Variants in NTN1 observed in about 807,000 individuals in gnomAD.
The protein encoded by NTN1 is netrin 1.
A neutral mutation model predicts 54.2 loss-of-function variants in NTN1; 11 were observed. The ratio of observed to expected loss-of-function variants is 0.20; its 90% CI spans 0.13 to 0.34. The LOEUF (loss-of-function observed/expected upper bound fraction) is 0.34. Ranked by LOEUF, NTN1 falls within the 10% of genes least tolerant of loss-of-function variation. The pLI, the probability that NTN1 is intolerant of heterozygous loss-of-function variation, is 1.00. For synonymous variants in NTN1, 371 were observed against 382.0 expected (o/e 0.97, Z 0.33); for missense variants, 740 against 893.1 (o/e 0.83, Z 2.18).
intron 2 of NTN1, among the ~76,000 whole-genome samples, chr17:9,064,030 A>G (rs1325269182): frequency 2.6e-5 from 4 of 151,556 alleles, no homozygotes; most frequent in Admixed American, 1.3e-4. Context: ...CCTTTTTTTT[A>G]CTATAGCTTC....
In NTN1 at chr17:9,075,438, C is replaced by T. The variant is rs909876985; in HGVS notation, c.1018+52047C>T. Among the ~76,000 whole-genome samples the T allele has an allele frequency of 3.9e-5, 6 of 152,070 alleles. No individual in the cohort carries two copies. The East Asian group carries it at 7.7e-4, about 20-fold the overall frequency. On this transcript the variant is annotated intron_variant, in intron 2 of 6. Transcript: ENST00000173229. ...TGGAGGTTGTAGTGAGCCAAGATCA[C>T]GCCACTGCACTCCAGCTGGGTGACA... is the stretch of plus-strand genomic sequence containing the variant.
chr17:9,164,974 C>T (rs2092369789), intron 3 of NTN1, among the ~76,000 whole-genome samples: 1 of 152,192 alleles, frequency 6.6e-6, no homozygotes, highest in Non-Finnish European at 1.5e-5. Flanking sequence ...AGGTATCCAG[C>T]TCCTTTGCCT....
At chr17:9,191,671 G>A (rs369018728) in intron 5 of NTN1, among the ~76,000 whole-genome samples, 2 of 152,122 alleles carry the variant, frequency 1.3e-5, no homozygotes, top group East Asian at 3.9e-4. Flanking sequence ...TTGTACAAAT[G>A]GCAATATGCA....
chr17:9,198,752 G>A (rs1328831681), intron 5 of NTN1, among the ~76,000 whole-genome samples: 2 of 152,244 alleles, frequency 1.3e-5, no homozygotes, highest in Non-Finnish European at 2.9e-5. Flanking sequence ...CAGCCCAGGA[G>A]TTCAGGCTCA....
chr17:9,179,853 A>T lies in NTN1; in HGVS notation c.1254A>T (p.Gln418His), dbSNP rs761557142. Residue 418 changes from glutamine to histidine, a missense_variant, in exon 4 of 7, where the codon CAA becomes CAT. By Grantham distance (24) the Gln-to-His change is conservative. Transcript: ENST00000173229. ...PVGAAGKTCN[Q>H]TTGQCPCKDG... The stretch of plus-strand genomic sequence containing the variant: ...GTGCTGCTGGCAAAACCTGCAACCA[A>T]ACCACCGGCCAGTGTCCCTGCAAGG... The T allele has an allele frequency of 1.2e-6, 2 of 1,613,800 alleles. No individual in the cohort carries two copies. Among genetic ancestry groups the T allele is most frequent in the South Asian group, 2.2e-5 (2 of 91,054 alleles).
chr17:9,234,447 C>T (rs1905913196), intron 6 of NTN1, among the ~76,000 whole-genome samples: 1 of 152,192 alleles, frequency 6.6e-6, no homozygotes, highest in African/African-American at 2.4e-5. Context: ...AGAGGCCACT[C>T]CTGGCTGCCC....
At chr17:9,048,702 G>A (rs965618317) in intron 2 of NTN1, among the ~76,000 whole-genome samples, 2 of 151,816 alleles carry the variant, frequency 1.3e-5, no homozygotes, top group Admixed American at 6.6e-5. Context: ...TGTCACCCAG[G>A]CTGGAGTGCA....
chr17:9,008,901 C>T, the NTN1 span, among the ~76,000 whole-genome samples: 1 of 152,068 alleles, frequency 6.6e-6, no homozygotes, highest in South Asian at 2.1e-4. Context: ...ATTAGCTGGG[C>T]ATGGTGGTGG....
intron 2 of NTN1, among the ~76,000 whole-genome samples, chr17:9,063,317 C>T (rs923644998): frequency 1.3e-5 from 2 of 152,128 alleles, no homozygotes; most frequent in Non-Finnish European, 2.9e-5. Flanking sequence ...AGGCTGGTCT[C>T]GAACTCCTGG....
Position 9,242,765 on chromosome 17 carries a change from C to CCCAGCCAGGACCCAGCCCA in NTN1, c.*2801_*2819dup, listed in dbSNP as rs1345221355. The CCCAGCCAGGACCCAGCCCA allele has an allele frequency of 1.3e-5, 2 of 152,788 alleles. No homozygotes were observed. The highest frequency in any genetic ancestry group is 4.8e-5 in the African/African-American group (2 of 41,568). The allele number at this position is 152,788 out of a possible 1,614,324, so 9.5% of individuals were successfully genotyped here. On this transcript the variant is annotated 3_prime_UTR_variant, in exon 7 of 7. Transcript: ENST00000173229. ...ACGAGCTGCCTTTCCTATCCACACA[C>CCCAGCCAGGACCCAGCCCA]CCAGCCAGGACCCAGCCCACCACTC...
intron 6 of NTN1, among the ~76,000 whole-genome samples, chr17:9,222,183 T>A (rs1905381457): frequency 6.6e-6 from 1 of 152,214 alleles, no homozygotes. Context: ...AGCCTGGGGC[T>A]GGCCCCCCAA....
Position 9,193,925 on chromosome 17 carries a change from A to AAAAAAAAAAAACAAAAC in NTN1, c.1411+10967_1411+10968insCAAAACAAAAAAAAAAA, listed in dbSNP as rs1555574973. Among the ~76,000 whole-genome samples, 263 of 132,594 alleles carry AAAAAAAAAAAACAAAAC rather than the reference A, an allele frequency of 2.0e-3. 6 individuals are homozygous for AAAAAAAAAAAACAAAAC. The highest frequency in any genetic ancestry group is 7.3e-3 in the African/African-American group (250 of 34,118). The allele number at this position is 132,594 out of a possible 152,430, so 87.0% of individuals were successfully genotyped here. On this transcript the variant is annotated intron_variant, in intron 5 of 6. Coordinates refer to ENST00000173229, the MANE Select transcript of NTN1 (RefSeq NM_004822.3). ...GACAAGAGTGAAACTCCGACTAAAA[A>AAAAAAAAAAAACAAAAC]AAAAAAAAAAAAAAAAAAACATTAT...
chr17:9,161,333 G>A (rs976979880), intron 2 of NTN1, among the ~76,000 whole-genome samples: 1 of 152,196 alleles, frequency 6.6e-6, no homozygotes, highest in Non-Finnish European at 1.5e-5. Context: ...GTCCTTGCAC[G>A]TGGCTCTAGA....
intron 3 of NTN1, among the ~76,000 whole-genome samples, chr17:9,164,890 T>G (rs2142301381): frequency 6.6e-6 from 1 of 152,330 alleles, no homozygotes; most frequent in South Asian, 2.1e-4. Flanking sequence ...GAGAAACATC[T>G]GCAATGCCAG....
rs2091964571 is a variant in NTN1 at position 9,052,541 on chromosome 17, T to G, written c.1018+29150T>G. On this transcript the variant is annotated intron_variant, in intron 2 of 6. Coordinates refer to ENST00000173229, the MANE Select transcript of NTN1 (RefSeq NM_004822.3). ...TATGAGAGAGAAGGAGAGAAAAACC[T>G]TAACATCTACCAATAAGGAAATGGT... Among the ~76,000 whole-genome samples the G allele has an allele frequency of 5.9e-5, 9 of 152,316 alleles. No homozygotes were observed. In the South Asian group the frequency reaches 1.9e-3, roughly 32 times the overall value.
chr17:9,061,455 T>G (rs1314142501), intron 2 of NTN1, among the ~76,000 whole-genome samples: 1 of 152,038 alleles, frequency 6.6e-6, no homozygotes, highest in Non-Finnish European at 1.5e-5. Flanking sequence ...ATGGGCAAGG[T>G]GGTGGCCAGG....
intron 2 of NTN1, among the ~76,000 whole-genome samples, chr17:9,082,943 G>A (rs1332549513): frequency 6.6e-6 from 1 of 152,060 alleles, no homozygotes; most frequent in African/African-American, 2.4e-5. Context: ...CATGGATGTG[G>A]TTGCCAAAGG....
rs1476062380 is a variant in NTN1 at position 9,169,809 on chromosome 17, G to T, written c.1207+6808G>T. ...GAGCCTGGGAGGCAGAGGTTACAGT[G>T]AGCCGAGATCGCACCATTGCACTCC... On this transcript the variant is annotated intron_variant, in intron 3 of 6. Coordinates refer to ENST00000173229, the MANE Select transcript of NTN1 (RefSeq NM_004822.3). Among the ~76,000 whole-genome samples the T allele has an allele frequency of 4.6e-5, 7 of 152,194 alleles. No individual in the cohort carries two copies. The East Asian group carries it at 1.3e-3, about 29-fold the overall frequency.
At chr17:9,042,804 G>A (rs978643212) in intron 2 of NTN1, among the ~76,000 whole-genome samples, 15 of 151,602 alleles carry the variant, frequency 9.9e-5, no homozygotes, top group African/African-American at 2.9e-4. Context: ...AAAAAAAAGT[G>A]AGATTTGTCT....
Sources: allele counts gnomAD v4.1 joint callset (sites outside exome capture counted in the v4.1 genomes callset), GRCh38; gene constraint gnomAD v4.1.1; transcripts MANE v1.5; gene names NCBI Gene and HGNC (gene_info 2026-07-23, HGNC 2026-07-21).